The following TYW3 variants were observed in gnomAD, a reference collection of about 807,000 sequenced individuals.
The protein encoded by TYW3 is tRNA-yW synthesizing protein 3 homolog, also known as tRNA wybutosine-synthesizing protein 3 homolog.
TYW3 carries 26 observed loss-of-function variants against 23.1 expected under a neutral mutation model. The observed-to-expected ratio is 1.13, with a 90% confidence interval of 0.83 to 1.56. The LOEUF (loss-of-function observed/expected upper bound fraction) is 1.56. TYW3 is among the 40% of genes most tolerant of loss of function. The probability of loss-of-function intolerance (pLI) is 0.00; values close to 1 mark genes in which losing one functional copy is unlikely to be tolerated. For missense variants in TYW3, 316 were observed against 311.9 expected (o/e 1.01, Z -0.10); for synonymous variants, 102 against 105.7 (o/e 0.97, Z 0.21).
chr1:74,763,171 A>G (rs1313272929), intron 5 of TYW3, among the ~76,000 whole-genome samples: 1 of 151,978 alleles, frequency 6.6e-6, no homozygotes, highest in African/African-American at 2.4e-5. Flanking sequence ...TTGAATATCT[A>G]TTGTGAAAAC....
At position 74,733,382 on chromosome 1, in the gene TYW3, C is replaced by T. The variant is rs1647981237; in HGVS notation, c.138C>T (p.Thr46=). The T allele has an allele frequency of 6.2e-7, 1 of 1,614,062 alleles. No homozygotes were observed. The highest frequency in any genetic ancestry group is 2.2e-5 in the East Asian group (1 of 44,890). ...ACATGCGAGATCAGTTTTTCACCAC[C>T]AGCTCCTGCGCTGGCCGCATCCTAC... ...FLNMRDQFFT[T]SSCAGRILLL... is the part of the protein sequence containing the mutation. The change falls in exon 1 of 6, where the codon ACC becomes ACT. Residue 46 remains threonine (T), a synonymous_variant. Transcript: ENST00000370867.
intron 5 of TYW3, among the ~76,000 whole-genome samples, chr1:74,757,334 G>A (rs1170562268): frequency 6.6e-6 from 1 of 152,182 alleles, no homozygotes; most frequent in African/African-American, 2.4e-5. Context: ...CAGAAGGGAA[G>A]CTGTATCCTG....
chr1:74,759,550 C>A (rs180708576), intron 5 of TYW3, among the ~76,000 whole-genome samples: 36 of 152,074 alleles, frequency 2.4e-4, no homozygotes, highest in Non-Finnish European at 1.3e-4. Flanking sequence ...TCTAAAACAG[C>A]TAAATAAATA....
At chr1:74,752,254 AT>A in intron 4 of TYW3, 37 bp from the exon 5 acceptor site, 1 of 1,564,794 alleles carries the variant, frequency 6.4e-7, no homozygotes, top group Non-Finnish European at 8.7e-7. Flanking sequence ...TTTCTGTGGT[AT>A]CTAAGTCTTC....
intron 3 of TYW3, among the ~76,000 whole-genome samples, chr1:74,744,318 T>G (rs564112556): frequency 9.8e-4 from 149 of 152,212 alleles, no homozygotes; most frequent in Non-Finnish European, 1.6e-3. Context: ...GTATTGTAAT[T>G]TATACTGCCC....
rs1649305228 is a variant in TYW3 at position 74,766,321 on chromosome 1, G to C, written c.*2208G>C. Reference sequence around the variant, plus strand: ...CCTTCAGGAAGTACTCCAGAAGAAGGCATTGTTATCATAGAAGGTGACAGC... The same window carrying C: ...CCTTCAGGAAGTACTCCAGAAGAAGCCATTGTTATCATAGAAGGTGACAGC... On this transcript the variant is annotated 3_prime_UTR_variant, in exon 6 of 6. Coordinates refer to ENST00000370867, the MANE Select transcript of TYW3 (RefSeq NM_138467.3). The C allele has an allele frequency of 6.6e-6, 1 of 152,076 alleles. No homozygotes were observed. Among genetic ancestry groups the C allele is most frequent in the South Asian group, 2.1e-4 (1 of 4,822 alleles). The allele number at this position is 152,076 out of a possible 1,614,324, so 9.4% of individuals were successfully genotyped here.
At chr1:74,740,735 CGCTGATTGGTGCATTTTTACAGAGT>C (rs1648324025) in intron 3 of TYW3, among the ~76,000 whole-genome samples, 3 of 152,136 alleles carry the variant, frequency 2.0e-5, no homozygotes, top group South Asian at 2.1e-4. Context: ...AGACACAGAG[CGCTGATTGGTGCATTTTTACAGAGT>C]GCTGATTGGT....
At position 74,764,651 on chromosome 1, in the gene TYW3, T is replaced by C. The variant is rs1052244481; in HGVS notation, c.*538T>C. On this transcript the variant is annotated 3_prime_UTR_variant, in exon 6 of 6. Coordinates refer to ENST00000370867, the MANE Select transcript of TYW3 (RefSeq NM_138467.3). ...AGTTTTAAACATTCTTTTAGGGACA[T>C]GTAACTTTTAAGTATCACTTCAATA... is the stretch of plus-strand genomic sequence containing the variant. 1 of 152,228 alleles carries C rather than the reference T, an allele frequency of 6.6e-6. No homozygotes were observed. The highest frequency in any genetic ancestry group is 1.9e-4 in the East Asian group (1 of 5,190). 9.4% of individuals were successfully genotyped at this position (152,228 alleles called of 1,614,324 possible).
chr1:74,763,689 G>A (rs1291898738), intron 5 of TYW3, among the ~76,000 whole-genome samples: 1 of 152,010 alleles, frequency 6.6e-6, no homozygotes, highest in Non-Finnish European at 1.5e-5. Context: ...GTTGTCAAGA[G>A]GTGATTCCAA....
intron 1 of TYW3, among the ~76,000 whole-genome samples, chr1:74,734,555 T>G (rs937085990): frequency 6.6e-6 from 1 of 152,140 alleles, no homozygotes; most frequent in Non-Finnish European, 1.5e-5. Flanking sequence ...ACGGAAAGAA[T>G]GAATCTTGTC....
At chr1:74,746,365 A>T (rs993146791) in intron 3 of TYW3, among the ~76,000 whole-genome samples, 8 of 152,150 alleles carry the variant, frequency 5.3e-5, no homozygotes, top group African/African-American at 1.9e-4. Flanking sequence ...CTGAACTTTT[A>T]TCTAACCTTA....
chr1:74,733,579 C>T, intron 1 of TYW3, 161 bp downstream of exon 1: 1 of 982,192 alleles, frequency 1.0e-6, no homozygotes, highest in Non-Finnish European at 1.2e-6. Flanking sequence ...TAGATCAGTG[C>T]TTCTAAAAGT....
intron 1 of TYW3, 124 bp downstream of exon 1, chr1:74,733,542 T>G: frequency 6.9e-7 from 1 of 1,446,098 alleles, no homozygotes; most frequent in Non-Finnish European, 9.1e-7. Flanking sequence ...GTGGTCTCTG[T>G]TTCTTTATAT....
chr1:74,736,260 C>T (rs955689083), intron 1 of TYW3: 53 of 237,580 alleles, frequency 2.2e-4, no homozygotes, highest in Middle Eastern at 1.5e-3. Flanking sequence ...CTAGTATTAT[C>T]CCTTATACTA....
At chr1:74,754,122 A>G (rs1648876008) in intron 5 of TYW3, among the ~76,000 whole-genome samples, 1 of 152,224 alleles carries the variant, frequency 6.6e-6, no homozygotes, top group Non-Finnish European at 1.5e-5. Context: ...CACTTATTAA[A>G]TTGTAATCCA....
intron 3 of TYW3, among the ~76,000 whole-genome samples, chr1:74,744,663 G>A (rs897539165): frequency 6.6e-6 from 1 of 152,216 alleles, no homozygotes; most frequent in Non-Finnish European, 1.5e-5. Context: ...TTGCCAAAAT[G>A]TGTCTAGAAT....
Position 74,747,742 on chromosome 1 carries a change from C to T in TYW3, c.355-1009C>T, listed in dbSNP as rs146588085. Among the ~76,000 whole-genome samples the T allele has an allele frequency of 3.2e-3, 475 of 150,068 alleles. 2 individuals are homozygous for T. The highest frequency in any genetic ancestry group is 5.3e-3 in the Non-Finnish European group (357 of 67,424). On this transcript the variant is annotated intron_variant, in intron 3 of 5. Coordinates refer to ENST00000370867, the MANE Select transcript of TYW3 (RefSeq NM_138467.3). ...ATATATGTATACACATATATACACA[C>T]ACATATATGTATATATGTATGTGTA...
chr1:74,755,192 G>A (rs1475737158), intron 5 of TYW3, among the ~76,000 whole-genome samples: 1 of 151,880 alleles, frequency 6.6e-6, no homozygotes, highest in Non-Finnish European at 1.5e-5. Context: ...TCTATTTTCT[G>A]ATAAAATGTA....
At chr1:74,743,430 C>T (rs1322083311) in intron 3 of TYW3, among the ~76,000 whole-genome samples, 1 of 152,080 alleles carries the variant, frequency 6.6e-6, no homozygotes, top group Non-Finnish European at 1.5e-5. Flanking sequence ...TCTTCTGATA[C>T]CTGCAGCTGA....
Sources: gnomAD v4.1 joint callset for allele counts (sites outside exome capture counted in the v4.1 genomes callset) on GRCh38, gnomAD v4.1.1 for gene constraint, MANE v1.5 for transcripts, NCBI Gene and HGNC (gene_info 2026-07-23, HGNC 2026-07-21) for gene names.